EPC1: variants seen among roughly 807,000 people sequenced by gnomAD.
The protein encoded by EPC1 is enhancer of polycomb homolog 1.
In EPC1, 12 loss-of-function variants were observed where a neutral mutation model predicts 98.4. The observed-to-expected ratio is 0.12, with a 90% CI of 0.08 to 0.20. The LOEUF (loss-of-function observed/expected upper bound fraction) is 0.20. Ranked by LOEUF, EPC1 falls within the 10% of genes least tolerant of loss-of-function variation. The pLI is 1.00. For synonymous variants in EPC1, 357 were observed against 363.9 expected (o/e 0.98, Z 0.21); for missense variants, 729 against 990.5 (o/e 0.74, Z 3.54).
chr10:32,345,698 G>A (rs1361158258), intron 1 of EPC1: 1 of 894,526 alleles, frequency 1.1e-6, no homozygotes, highest in African/African-American at 1.8e-5. Context: ...AAGCCACAGC[G>A]ATGGTAAAAT....
intron 1 of EPC1, among the ~76,000 whole-genome samples, chr10:32,308,742 C>T (rs1836021958): frequency 6.6e-6 from 1 of 152,098 alleles, no homozygotes; most frequent in East Asian, 1.9e-4. Context: ...AAAATCGAAA[C>T]AAATAAAACT....
intron 10 of EPC1, among the ~76,000 whole-genome samples, chr10:32,280,271 A>G (rs995471273): frequency 1.3e-5 from 2 of 152,150 alleles, no homozygotes; most frequent in African/African-American, 4.8e-5. Context: ...CTTGGCCAAC[A>G]TGGTGAAACC....
At chr10:32,358,594 G>C (rs1162555610) in intron 1 of EPC1, among the ~76,000 whole-genome samples, 3 of 143,588 alleles carry the variant, frequency 2.1e-5, no homozygotes, top group African/African-American at 5.2e-5. Context: ...GTAGTGGACT[G>C]TGATCGCGTC....
rs765845646 is a variant in EPC1 at position 32,287,249 on chromosome 10, G to T, written c.1001C>A (p.Pro334Gln). ...GGGCTTCTTTTCATATTTCCGTTTC[G>T]GTCGGATAAGATCGGCTTTATCTTG... Reference protein sequence around the residue: ...NKQDKADLIRPKRKYEKKPKV... With the variant: ...NKQDKADLIRQKRKYEKKPKV... The change falls in exon 7 of 14, where the codon CCG becomes CAG. Residue 334 changes from proline to glutamine, a missense_variant. Around this residue, in one of 6 missense-constraint regions of EPC1, gnomAD observed 390 missense variants for 438.6 expected, o/e 0.89. Transcript: ENST00000319778. The T allele has an allele frequency of 5.0e-6, 8 of 1,613,866 alleles. No homozygotes were observed. Among genetic ancestry groups the T allele is most frequent in the Admixed American group, 1.7e-5 (1 of 59,992 alleles).
chr10:32,293,572 A>T lies in EPC1; in HGVS notation c.459+20T>A. 1 of 1,607,810 alleles carries T rather than the reference A, an allele frequency of 6.2e-7. No individual in the cohort carries two copies. Among genetic ancestry groups the T allele is most frequent in the Non-Finnish European group, 8.5e-7 (1 of 1,177,162 alleles). On this transcript the variant is annotated intron_variant, in intron 3 of 13. Transcript: ENST00000319778. ...TACATAGAATATGTATATACTTGTT[A>T]TATACAAATGAAGTTGTACCTGCTG...
intron 2 of EPC1, among the ~76,000 whole-genome samples, chr10:32,302,605 G>A (rs1592571835): frequency 7.5e-6 from 1 of 133,024 alleles, no homozygotes; most frequent in African/African-American, 2.9e-5. Context: ...AGCCGAGACT[G>A]TACCACTGCA....
intron 4 of EPC1, 74 bp downstream of exon 4, chr10:32,292,914 C>A: frequency 1.0e-6 from 1 of 969,754 alleles, no homozygotes. Context: ...AATTAAACCA[C>A]AGTATTGAGA....
chr10:32,366,612 AT>A (rs10713303), intron 1 of EPC1, among the ~76,000 whole-genome samples: 90,545 of 151,858 alleles, frequency 0.6, 27,396 homozygotes, highest in East Asian at 0.69. Context: ...TCTGCCATCA[AT>A]TTTTTTTGGC....
chr10:32,364,340 T>C (rs1839537587), intron 1 of EPC1, among the ~76,000 whole-genome samples: 1 of 152,190 alleles, frequency 6.6e-6, no homozygotes, highest in African/African-American at 2.4e-5. Flanking sequence ...AGCCCCATCA[T>C]GTTGGTTACT....
intron 1 of EPC1, among the ~76,000 whole-genome samples, chr10:32,319,715 A>T (rs1836769872): frequency 6.6e-6 from 1 of 152,172 alleles, no homozygotes; most frequent in Admixed American, 6.5e-5. Context: ...TTGCTCTGTC[A>T]CCTGGGCTGG....
Position 32,292,563 on chromosome 10 carries a change from T to C in EPC1, c.748A>G (p.Met250Val). Residue 250 changes from methionine (M) to valine (V), a missense_variant, in exon 5 of 14, where the codon ATG becomes GTG. Met to Val is a conservative substitution (Grantham distance 21). Transcript: ENST00000319778. The part of the protein sequence containing the change: ...DLSRAVTILE[M>V]IKRREKSKRE... ...TTACTTTTTTCTCTTCTTTTTATCA[T>C]CTCTAGAATAGTAACAGCTCGACTT... 1 of 1,608,462 alleles carries C rather than the reference T, an allele frequency of 6.2e-7. No individual in the cohort carries two copies. Among genetic ancestry groups the C allele is most frequent in the Non-Finnish European group, 8.5e-7 (1 of 1,178,384 alleles).
rs143619774 is a variant in EPC1, at chr10:32,272,093, C to A, written c.1938G>T (p.Leu646=). 4 of 1,614,060 alleles carry A rather than the reference C, an allele frequency of 2.5e-6. No homozygotes were observed. The highest frequency in any genetic ancestry group is 2.5e-6 in the Non-Finnish European group (3 of 1,180,008). ...CATCATCCTTCATCTTGAATCCCAT[C>A]AGTTGTTCTGATGTCACCAAAGCAG... is the stretch of plus-strand genomic sequence containing the variant. ...AASALVTSEQ[L]MGFKMKDDVV... The change falls in exon 12 of 14, where the codon CTG becomes CTT. Residue 646 remains leucine, a synonymous_variant. Coordinates refer to ENST00000319778, the MANE Select transcript of EPC1 (RefSeq NM_001272004.3).
chr10:32,338,190 T>C (rs1838094215), intron 1 of EPC1, among the ~76,000 whole-genome samples: 1 of 152,188 alleles, frequency 6.6e-6, no homozygotes, highest in African/African-American at 2.4e-5. Context: ...GTCCCTTCCC[T>C]GTAAGAGGCC....
chr10:32,350,169 A>G (rs1839071024), upstream of EPC1, among the ~76,000 whole-genome samples: 1 of 152,224 alleles, frequency 6.6e-6, no homozygotes, highest in Non-Finnish European at 1.5e-5. Flanking sequence ...CCCTAACGGC[A>G]GAGGGAAACT....
intron 2 of EPC1, among the ~76,000 whole-genome samples, chr10:32,294,368 AT>A (rs1253209147): frequency 6.6e-6 from 1 of 152,072 alleles, no homozygotes; most frequent in African/African-American, 2.4e-5. Flanking sequence ...CACAAAATTC[AT>A]TTTTTTCACA....
intron 10 of EPC1, among the ~76,000 whole-genome samples, chr10:32,276,715 G>C (rs1462965164): frequency 6.6e-6 from 1 of 152,192 alleles, no homozygotes; most frequent in Non-Finnish European, 1.5e-5. Flanking sequence ...CTCAGGTCAT[G>C]ATACCATTAT....
Position 32,346,930 on chromosome 10 carries a change from A to C in EPC1, c.-15T>G. On this transcript the variant is annotated 5_prime_UTR_variant, in exon 1 of 14. Transcript: ENST00000319778. ...AGTTTACTCATCTCAGGCGCAGCAG[A>C]TACCTCTCCGCTCTGGGGAAACGGC... 1 of 1,612,178 alleles carries C rather than the reference A, an allele frequency of 6.2e-7. No individual in the cohort carries two copies. The highest frequency in any genetic ancestry group is 8.5e-7 in the Non-Finnish European group (1 of 1,179,904).
At chr10:32,378,587 C>G (rs1271604542) in exon 1 of EPC1, 1 of 826,452 alleles carries the variant, frequency 1.2e-6, no homozygotes, top group African/African-American at 1.8e-5. Context: ...CTCCAGGCAG[C>G]ATATGGATCT....
At chr10:32,319,997 T>G (rs1176064434) in intron 1 of EPC1, among the ~76,000 whole-genome samples, 1 of 152,106 alleles carries the variant, frequency 6.6e-6, no homozygotes, top group Non-Finnish European at 1.5e-5. Flanking sequence ...TGAAACTATT[T>G]AGGGGTAAAG....
Sources: allele counts gnomAD v4.1 joint callset (sites outside exome capture counted in the v4.1 genomes callset), GRCh38; gene constraint gnomAD v4.1.1; regional missense constraint gnomAD v4.1.1; transcripts MANE v1.5; gene names NCBI Gene and HGNC (gene_info 2026-07-23, HGNC 2026-07-21).